Variants in ZNF335 observed in about 807,000 individuals in gnomAD.
ZNF335 encodes the protein NRC-interacting factor 1.
Under a neutral mutation model 145.6 loss-of-function variants are expected in ZNF335, and 84 were observed. The observed-to-expected ratio is 0.58, with a 90% CI of 0.48 to 0.69. The LOEUF is 0.69. Ranked by LOEUF, ZNF335 falls within the 30% of genes least tolerant of loss-of-function variation. The pLI, the probability that ZNF335 is intolerant of heterozygous loss-of-function variation, is 0.00. For missense variants in ZNF335, 1,865 were observed against 1,809.7 expected, an observed-to-expected ratio of 1.03 and a Z score of -0.55; for synonymous variants, 761 against 717.0, an observed-to-expected ratio of 1.06 and a Z score of -0.98.
In ZNF335 at chr20:45,950,253, C is replaced by A; in HGVS notation, c.3453G>T (p.Leu1151=). The A allele has an allele frequency of 1.3e-6, 2 of 1,550,594 alleles. No individual in the cohort carries two copies. Among genetic ancestry groups the A allele is most frequent in the Non-Finnish European group, 1.7e-6 (2 of 1,148,152 alleles). ...TGGCCAGTGTTTCGTCATCACTGTT[C>A]AGGATGATGGTCTGGGTTGGGGTCT... ...PTQTPTQTII[L]NSDDETLATL... is the part of the protein sequence containing the mutation. The change falls in exon 22 of 28, where the codon CTG becomes CTT. Residue 1151 remains leucine, a synonymous_variant. Coordinates refer to ENST00000322927, the MANE Select transcript of ZNF335 (RefSeq NM_022095.4).
intron 20 of ZNF335, among the ~76,000 whole-genome samples, 155 bp downstream of exon 20, chr20:45,951,992 T>C (rs1268818220): frequency 6.6e-6 from 1 of 152,260 alleles, no homozygotes; most frequent in Non-Finnish European, 1.5e-5. Context: ...ACCAACTCCC[T>C]GAGAGCTGGG....
chr20:45,956,925 T>C (rs1258204167), intron 17 of ZNF335, among the ~76,000 whole-genome samples: 2 of 152,168 alleles, frequency 1.3e-5, no homozygotes, highest in African/African-American at 2.4e-5. Context: ...TATCTAAAAA[T>C]GTAAAACTTC....
In ZNF335 at chr20:45,967,604, T is replaced by G; in HGVS notation, c.845A>C (p.Lys282Thr). The G allele has an allele frequency of 6.2e-7, 1 of 1,613,984 alleles. No homozygotes were observed. The highest frequency in any genetic ancestry group is 8.5e-7 in the Non-Finnish European group (1 of 1,179,946). The stretch of plus-strand genomic sequence containing the variant: ...GGTGCTCCACTTCCGTAGACGTCCT[T>G]TTTTACCAGCTGCTGCTGCGGCTGC... ...VAAAAAAAGK[K>T]GRLRKWSTST... Residue 282 changes from lysine (K) to threonine (T), a missense_variant, in exon 6 of 28, where the codon AAA (lysine) becomes ACA (threonine). Coordinates refer to ENST00000322927, the MANE Select transcript of ZNF335 (RefSeq NM_022095.4).
intron 6 of ZNF335, 124 bp from the exon 7 acceptor site, chr20:45,965,898 CT>C (rs753301979): frequency 2.2e-4 from 262 of 1,171,420 alleles, no homozygotes; most frequent in Non-Finnish European, 2.8e-4. Context: ...GCGATGCCTC[CT>C]CCAGAAAGCC....
rs1454922566 is a variant in ZNF335 at position 45,959,347 on chromosome 20, T to C, written c.2107A>G (p.Ser703Gly). The C allele has an allele frequency of 1.3e-6, 2 of 1,586,032 alleles. No individual in the cohort carries two copies. The highest frequency in any genetic ancestry group is 1.7e-6 in the Non-Finnish European group (2 of 1,163,452). The change falls in exon 15 of 28, where the codon AGC (serine) becomes GGC (glycine). Residue 703 changes from serine (S) to glycine (G), a missense_variant. Physicochemically the swap from Ser to Gly is moderately conservative, Grantham distance 56. Coordinates refer to ENST00000322927, the MANE Select transcript of ZNF335 (RefSeq NM_022095.4). ...LRLHVRCRHA[S>G]SFEEWGRRHP... ...CGCCTCCCCCATTCCTCGAAGCTGC[T>C]TGCGTGTCGGCACCGTACGTGCAGG...
Position 45,948,713 on chromosome 20 carries a change from CCAAA to C in ZNF335, c.*236_*239del, listed in dbSNP as rs933265963. On this transcript the variant is annotated 3_prime_UTR_variant, in exon 28 of 28. Coordinates refer to ENST00000322927, the MANE Select transcript of ZNF335 (RefSeq NM_022095.4). ...GAGACTGACAGGCCAGTGGGTCCAC[CCAAA>C]CAAAAATAAATTTCTCTCCCAAAGC... 5 of 546,604 alleles carry C rather than the reference CCAAA, an allele frequency of 9.1e-6. No individual in the cohort carries two copies. In the African/African-American group the frequency reaches 9.5e-5, roughly 10 times the overall value. 33.9% of individuals were successfully genotyped at this position (546,604 alleles called of 1,614,324 possible).
chr20:45,950,029 C>T lies in ZNF335; in HGVS notation c.3528G>A (p.Arg1176=). 6.2e-7 allele frequency: 1 copy of T among 1,614,080 alleles called. No individual in the cohort carries two copies. Among genetic ancestry groups the T allele is most frequent in the South Asian group, 1.1e-5 (1 of 91,070 alleles). ...QSSHGVLGPE[R]LQQALSQEHI... ...GTTCCTGGCTCAGTGCCTGCTGTAG[C>T]CGCTCTGGGCCCAGGACCCCGTGAC... The change falls in exon 23 of 28, where the codon CGG becomes CGA. Residue 1176 remains arginine (R), a synonymous_variant. Transcript: ENST00000322927.
intron 2 of ZNF335, chr20:45,969,965 T>TG (rs2084029571): frequency 2.8e-6 from 1 of 362,954 alleles, no homozygotes; most frequent in African/African-American, 2.0e-5. Flanking sequence ...CTATTTTCTT[T>TG]GGGCTTTTGC....
rs760353441 is a variant in ZNF335 at position 45,949,395 on chromosome 20, G to C, written c.3757C>G (p.Gln1253Glu). Residue 1253 changes from glutamine to glutamate, a missense_variant, in exon 26 of 28, where the codon CAG (glutamine) becomes GAG (glutamate). Coordinates refer to ENST00000322927, the MANE Select transcript of ZNF335 (RefSeq NM_022095.4). ...TGGATGTGTGTGATCTGGCCCTCCT[G>C]TACCTGCAGAGAGGAAGCCAAGCTG... ...VVPEGHHIQV[Q>E]EGQITHIQYE... 4.3e-6 allele frequency: 7 copies of C among 1,614,120 alleles called. No individual in the cohort carries two copies. The African/African-American group carries it at 9.3e-5, about 22-fold the overall frequency.
At chr20:45,962,641 C>A (rs1353449278) in intron 9 of ZNF335, among the ~76,000 whole-genome samples, 2 of 152,150 alleles carry the variant, frequency 1.3e-5, no homozygotes, top group African/African-American at 4.8e-5. Context: ...TGCACATTGG[C>A]CAGGCCGAGC....
In ZNF335 at chr20:45,953,669, T is replaced by A. The variant is rs1335758781; in HGVS notation, c.2702+20A>T. 6.2e-7 allele frequency: 1 copy of A among 1,610,056 alleles called. No individual in the cohort carries two copies. Among genetic ancestry groups the A allele is most frequent in the African/African-American group, 1.3e-5 (1 of 74,864 alleles). Reference sequence around the variant, plus strand: ...CACCTACAAAAAGCTGAAAGGGGCCTTGCAGGCAGCAGGTCTCACCTGTAA... The same window carrying A: ...CACCTACAAAAAGCTGAAAGGGGCCATGCAGGCAGCAGGTCTCACCTGTAA... On this transcript the variant is annotated intron_variant, in intron 18 of 27. Transcript: ENST00000322927.
In ZNF335 at chr20:45,953,779, AG is replaced by A. The variant is rs1469474331; in HGVS notation, c.2611del (p.Leu871TrpfsTer44). 1.4e-5 allele frequency: 23 copies of A among 1,614,220 alleles called. No individual in the cohort carries two copies. Among genetic ancestry groups the A allele is most frequent in the Non-Finnish European group, 1.9e-5 (22 of 1,180,044 alleles). ...AGTCCCACCAAATGGACCAGGTGCC[AG>A]GGTGATCTGCGGTAGGTCAGGAGGG... ...LGPPDLPQIT[L>X]APGPFGGTGY... On this transcript the variant is annotated frameshift_variant, in exon 18 of 28. Coordinates refer to ENST00000322927, the MANE Select transcript of ZNF335 (RefSeq NM_022095.4). LOFTEE classifies it high-confidence loss of function.
At chr20:45,949,703 G>C in intron 24 of ZNF335, 97 bp downstream of exon 24, 5 of 1,492,390 alleles carry the variant, frequency 3.4e-6, no homozygotes. Flanking sequence ...ATGGACCCCA[G>C]GAGGGGTGGT....
chr20:45,971,818 G>T (rs776214582), intron 1 of ZNF335: 53 of 985,232 alleles, frequency 5.4e-5, no homozygotes, highest in Non-Finnish European at 6.1e-5. Flanking sequence ...ACAGCCCGCT[G>T]GCCCCCTGGG....
At chr20:45,956,520 G>A (rs901494910) in intron 17 of ZNF335, among the ~76,000 whole-genome samples, 2 of 152,078 alleles carry the variant, frequency 1.3e-5, no homozygotes, top group Admixed American at 6.6e-5. Context: ...AAGCCACCAC[G>A]CCAGGCCCAT....
intron 4 of ZNF335, 104 bp downstream of exon 4, chr20:45,968,181 T>G (rs7352092): frequency 1.3e-6 from 2 of 1,506,616 alleles, no homozygotes; most frequent in East Asian, 4.5e-5. Context: ...CCCAGAGCAG[T>G]GGATACCCAG....
At chr20:45,958,015 T>A in intron 15 of ZNF335, 87 bp from the exon 16 acceptor site, 5 of 1,045,740 alleles carry the variant, frequency 4.8e-6, no homozygotes, top group African/African-American at 1.6e-5. Context: ...TGCCAGATGT[T>A]TTACATCTGT....
In ZNF335 at chr20:45,967,539, C is replaced by T; in HGVS notation, c.910G>A (p.Asp304Asn). 1.2e-6 allele frequency: 2 copies of T among 1,614,074 alleles called. No individual in the cohort carries two copies. The highest frequency in any genetic ancestry group is 1.7e-6 in the Non-Finnish European group (2 of 1,179,998). The change falls in exon 6 of 28, where the codon GAC (aspartate) becomes AAC (asparagine). Residue 304 changes from aspartate (D) to asparagine (N), a missense_variant. Transcript: ENST00000322927. Reference sequence around the variant, plus strand: ...CCAGCGTCTACAATGTCATCATCGTCCTCCTCCTCTGGTCCCTCTTCCTCT... The same window carrying T: ...CCAGCGTCTACAATGTCATCATCGTTCTCCTCCTCTGGTCCCTCTTCCTCT... ...SQEEEGPEEE[D>N]DDDIVDAGAI...
chr20:45,950,295 T>C lies in ZNF335; in HGVS notation c.3411A>G (p.Thr1137=). The C allele has an allele frequency of 1.9e-6, 3 of 1,563,638 alleles. No individual in the cohort carries two copies. The highest frequency in any genetic ancestry group is 1.2e-5 in the South Asian group (1 of 82,370). ...TTGGGGTCTGGGTAGGGGCCCGGGCTGTAGGGGTTCCTGACTTCCTCCCAT... is the reference window on the plus strand; with the variant it reads ...TTGGGGTCTGGGTAGGGGCCCGGGCCGTAGGGGTTCCTGACTTCCTCCCAT... ...SPDGRKSGTP[T]ARAPTQTPTQ... The change falls in exon 22 of 28, where the codon ACA becomes ACG. Residue 1137 remains threonine, a synonymous_variant. Coordinates refer to ENST00000322927, the MANE Select transcript of ZNF335 (RefSeq NM_022095.4).
Sources: gnomAD v4.1 joint callset for allele counts (sites outside exome capture counted in the v4.1 genomes callset) on GRCh38, gnomAD v4.1.1 for gene constraint, MANE v1.5 for transcripts, NCBI Gene and HGNC (gene_info 2026-07-23, HGNC 2026-07-21) for gene names.